Variants in SDC1 observed in about 807,000 individuals in gnomAD.
The protein encoded by SDC1 is syndecan-1.
SDC1 carries 14 observed loss-of-function variants against 29.7 expected under a neutral mutation model. The observed-to-expected ratio is 0.47, with a 90% CI of 0.31 to 0.74. The LOEUF is 0.74. Ranked by LOEUF, SDC1 falls within the 30% of genes least tolerant of loss-of-function variation. The pLI is 0.05. For synonymous variants in SDC1, 204 were observed against 175.5 expected (o/e 1.16, Z -1.29); for missense variants, 406 against 400.3 (o/e 1.01, Z -0.12).
At chr2:20,223,158 C>T in intron 1 of SDC1, 1 of 931,282 alleles carries the variant, frequency 1.1e-6, no homozygotes, top group Non-Finnish European at 1.5e-6. Context: ...TCAATAGGCA[C>T]AGGGACCTCT....
intron 1 of SDC1, among the ~76,000 whole-genome samples, chr2:20,211,403 G>A (rs1046518422): frequency 1.3e-5 from 2 of 152,196 alleles, no homozygotes; most frequent in African/African-American, 4.8e-5. Context: ...AAGCTCTAGT[G>A]GCCAAAGGAC....
intron 1 of SDC1, among the ~76,000 whole-genome samples, chr2:20,210,530 G>C (rs16987512): frequency 0.017 from 2,622 of 152,278 alleles, 71 homozygotes; most frequent in African/African-American, 0.059. Context: ...GCACTAACTT[G>C]GGCAGCGCAG....
At chr2:20,223,923 G>T (rs1677904779) in intron 1 of SDC1, among the ~76,000 whole-genome samples, 1 of 152,114 alleles carries the variant, frequency 6.6e-6, no homozygotes, top group Non-Finnish European at 1.5e-5. Flanking sequence ...CTCCACATCT[G>T]CCCCTCTTTT....
At chr2:20,219,162 C>T in intron 1 of SDC1, among the ~76,000 whole-genome samples, 1 of 152,096 alleles carries the variant, frequency 6.6e-6, no homozygotes, top group Admixed American at 6.5e-5. Context: ...CCCCCCTTGC[C>T]CCATAAGCTT....
Position 20,204,070 on chromosome 2 carries a change from G to C in SDC1, c.370C>G (p.Arg124Gly), listed in dbSNP as rs375790781. 3 of 1,596,536 alleles carry C rather than the reference G, an allele frequency of 1.9e-6. No individual in the cohort carries two copies. The highest frequency in any genetic ancestry group is 2.6e-6 in the Non-Finnish European group (3 of 1,168,302). ...GGGAGCTGTGTGGTCTCCCTGGGTC[G>C]GGGGGTGGCCTCCTGCTCCCGGGCG... ...LTAREQEATP[R>G]PRETTQLPTT... The change falls in exon 3 of 5, where the codon CGA (arginine) becomes GGA (glycine). Residue 124 changes from arginine to glycine, a missense_variant. Coordinates refer to ENST00000254351, the MANE Select transcript of SDC1 (RefSeq NM_002997.5).
intron 1 of SDC1, among the ~76,000 whole-genome samples, chr2:20,217,747 TG>T (rs141238491): frequency 7.1e-4 from 108 of 152,320 alleles, no homozygotes; most frequent in African/African-American, 2.5e-3. Flanking sequence ...ATGACTCAGC[TG>T]ATGAGTGGAC....
chr2:20,218,189 G>C (rs907725441), intron 1 of SDC1, among the ~76,000 whole-genome samples: 5 of 152,226 alleles, frequency 3.3e-5, no homozygotes, highest in African/African-American at 1.2e-4. Flanking sequence ...CTGAGGCCCA[G>C]AGAGGCAATG....
Position 20,202,247 on chromosome 2 carries a change from C to A in SDC1, c.*519G>T. ...GCTATGAACAAAGAACTAGAGGAAA[C>A]ATGTGCAAAAACAAGTCGATATCTA... On this transcript the variant is annotated 3_prime_UTR_variant, in exon 5 of 5. Coordinates refer to ENST00000254351, the MANE Select transcript of SDC1 (RefSeq NM_002997.5). 1 of 778,558 alleles carries A rather than the reference C, an allele frequency of 1.3e-6. No homozygotes were observed. Among genetic ancestry groups the A allele is most frequent in the Admixed American group, 1.7e-5 (1 of 58,910 alleles). The allele number at this position is 778,558 out of a possible 1,614,324, so 48.2% of individuals were successfully genotyped here.
chr2:20,214,600 C>T (rs116307950), intron 1 of SDC1, among the ~76,000 whole-genome samples: 124 of 152,296 alleles, frequency 8.1e-4, no homozygotes, highest in African/African-American at 2.9e-3. Flanking sequence ...CCTCTGCACA[C>T]GGTGGGTGTT....
Position 20,204,216 on chromosome 2 carries a change from G to A in SDC1, c.224C>T (p.Pro75Leu), listed in dbSNP as rs769905081. 7 of 1,599,130 alleles carry A rather than the reference G, an allele frequency of 4.4e-6. No homozygotes were observed. The East Asian group carries it at 1.3e-4, about 31-fold the overall frequency. ...WKDTQLLTAI[P>L]TSPEPTGLEA... The stretch of plus-strand genomic sequence containing the variant: ...CAGGCCGGTGGGTTCTGGAGACGTG[G>A]GAATAGCCGTCAGGAGCTGCGTGTC... Residue 75 changes from proline (P) to leucine (L), a missense_variant, in exon 3 of 5, where the codon CCC (proline) becomes CTC (leucine). Physicochemically the swap from Pro to Leu is moderately conservative, Grantham distance 98 (BLOSUM62 -3). Transcript: ENST00000254351.
At chr2:20,211,171 A>G (rs988043890) in intron 1 of SDC1, among the ~76,000 whole-genome samples, 2 of 152,152 alleles carry the variant, frequency 1.3e-5, no homozygotes, top group Admixed American at 6.5e-5. Flanking sequence ...AATCACCAGG[A>G]GACCACTACA....
chr2:20,205,207 G>A (rs1030151467), intron 2 of SDC1, 136 bp downstream of exon 2: 2 of 728,552 alleles, frequency 2.7e-6, no homozygotes, highest in African/African-American at 1.7e-5. Context: ...TTGCCCTTTG[G>A]AGCCAGCTGG....
chr2:20,220,350 C>A (rs1008678970), intron 1 of SDC1, among the ~76,000 whole-genome samples: 1 of 152,126 alleles, frequency 6.6e-6, no homozygotes, highest in Non-Finnish European at 1.5e-5. Flanking sequence ...TCACACCATA[C>A]CCATACACAT....
rs74334882 is a variant in SDC1 at position 20,205,317 on chromosome 2, G to T, written c.148+26C>A. ...GGCATGACCTGTTGCCGTCTTGGGTGGGGGGGGCCCCCATGACAACCTCAC... is the reference window on the plus strand; with the variant it reads ...GGCATGACCTGTTGCCGTCTTGGGTTGGGGGGGCCCCCATGACAACCTCAC... On this transcript the variant is annotated intron_variant, in intron 2 of 4. Transcript: ENST00000254351. 4,073 of 1,511,282 alleles carry T rather than the reference G, an allele frequency of 2.7e-3. 40 individuals are homozygous for T. The highest frequency in any genetic ancestry group is 0.017 in the South Asian group (1,461 of 86,192). 93.6% of individuals were successfully genotyped at this position (1,511,282 alleles called of 1,614,324 possible).
At chr2:20,218,760 T>C (rs1236414987) in intron 1 of SDC1, among the ~76,000 whole-genome samples, 6 of 144,556 alleles carry the variant, frequency 4.2e-5, no homozygotes, top group Non-Finnish European at 9.0e-5. Context: ...CACAGATGCA[T>C]GGACACACAC....
chr2:20,203,285 A>G (rs1212633096), intron 3 of SDC1, 63 bp from the exon 4 acceptor site: 8 of 1,539,692 alleles, frequency 5.2e-6, no homozygotes, highest in Admixed American at 1.8e-5. Flanking sequence ...AACCAGCTCC[A>G]CTACAAGACC....
At position 20,212,404 on chromosome 2, in the gene SDC1, C is replaced by G. The variant is rs1386761022; in HGVS notation, c.67-6980G>C. The stretch of plus-strand genomic sequence containing the variant: ...CACAGGCCAGGAGACACTGGGCTCC[C>G]CCAGCCTCGGGGTTGTGGAGGAAGT... On this transcript the variant is annotated intron_variant, in intron 1 of 4. Coordinates refer to ENST00000254351, the MANE Select transcript of SDC1 (RefSeq NM_002997.5). 2.6e-5 allele frequency among the ~76,000 whole-genome samples: 4 copies of G among 152,146 alleles called. No individual in the cohort carries two copies. In the East Asian group the frequency reaches 7.8e-4, roughly 30 times the overall value.
At chr2:20,214,774 A>C (rs1677580612) in intron 1 of SDC1, among the ~76,000 whole-genome samples, 1 of 152,204 alleles carries the variant, frequency 6.6e-6, no homozygotes, top group Non-Finnish European at 1.5e-5. Flanking sequence ...TCTGATCTGG[A>C]CTGGAGATTA....
intron 1 of SDC1, among the ~76,000 whole-genome samples, chr2:20,210,427 G>A (rs1242147920): frequency 6.6e-6 from 1 of 152,194 alleles, no homozygotes; most frequent in Non-Finnish European, 1.5e-5. Context: ...TTCAGAGGCT[G>A]AAGTACAGAG....
Sources: gnomAD v4.1 joint callset for allele counts (sites outside exome capture counted in the v4.1 genomes callset) on GRCh38, gnomAD v4.1.1 for gene constraint, MANE v1.5 for transcripts, NCBI Gene and HGNC (gene_info 2026-07-23, HGNC 2026-07-21) for gene names.